CD63: variants seen among roughly 807,000 people sequenced by gnomAD.
The protein encoded by CD63 is CD63 molecule.
In CD63, 16 loss-of-function variants were observed where a neutral mutation model predicts 29.2. That is an observed-to-expected ratio of 0.55 (90% confidence interval 0.37 to 0.83). The LOEUF is 0.83. Ranked by LOEUF, CD63 falls within the 40% of genes least tolerant of loss-of-function variation. CD63 has a pLI of 0.00. For synonymous variants in CD63, 118 were observed against 111.7 expected, an observed-to-expected ratio of 1.06 and a Z score of -0.36; for missense variants, 251 against 297.3, an observed-to-expected ratio of 0.84 and a Z score of 1.15.
downstream of CD63, chr12:55,723,658 C>T (rs2136141639): frequency 1.8e-6 from 1 of 560,950 alleles, no homozygotes; most frequent in East Asian, 3.1e-5. Flanking sequence ...ACTCTCTGGC[C>T]CTTTAAGAAA....
chr12:55,725,884 TCTC>T lies in CD63; in HGVS notation c.577_579del (p.Glu193del), dbSNP rs763514247. 2 of 1,613,716 alleles carry T rather than the reference TCTC, an allele frequency of 1.2e-6. No homozygotes were observed. The highest frequency in any genetic ancestry group is 2.2e-5 in the East Asian group (1 of 44,878). ...TTTTTCCTCAGCCAGCCCCCAATCT[TCTC>T]CACACAGCCCTGAAGGTGGCAGGCA... On this transcript the variant is annotated inframe_deletion, in exon 7 of 8. Coordinates refer to ENST00000257857, the MANE Select transcript of CD63 (RefSeq NM_001780.6).
At chr12:55,723,797 G>A, downstream of CD63, 1 of 1,486,448 alleles carries the variant, frequency 6.7e-7, no homozygotes, top group Non-Finnish European at 9.3e-7. Flanking sequence ...CTGGTCTGTG[G>A]TAACTTTCTC....
chr12:55,727,056 C>G, intron 3 of CD63, 92 bp from the exon 4 acceptor site: 1 of 1,562,264 alleles, frequency 6.4e-7, no homozygotes, highest in Non-Finnish European at 8.8e-7. Context: ...TCACAAAGGT[C>G]TTCCTCACCC....
At position 55,728,663 on chromosome 12, in the gene CD63, T is replaced by C. The variant is rs1592534536; in HGVS notation, c.-12+290A>G. 3 of 1,217,724 alleles carry C rather than the reference T, an allele frequency of 2.5e-6. No individual in the cohort carries two copies. Among genetic ancestry groups the C allele is most frequent in the Admixed American group, 4.0e-5 (1 of 25,066 alleles). The allele number at this position is 1,217,724 out of a possible 1,614,324, so 75.4% of individuals were successfully genotyped here. A position where few individuals can be genotyped will look rare whatever the true frequency, so the allele number is the denominator to read the frequency against. On this transcript the variant is annotated intron_variant, in intron 1 of 7. Transcript: ENST00000257857. The surrounding 1 kb of genome is among the most constrained non-coding windows in gnomAD (Gnocchi z 4.8). ...CAGTCTCCGGGCGTCAAACACCCTT[T>C]CCCCACCCAACACCCAGCCTGGAGA...
At position 55,728,828 on chromosome 12, in the gene CD63, T is replaced by G; in HGVS notation, c.-12+125A>C. 2 of 989,382 alleles carry G rather than the reference T, an allele frequency of 2.0e-6. No homozygotes were observed. Among genetic ancestry groups the G allele is most frequent in the Non-Finnish European group, 2.4e-6 (2 of 833,184 alleles). The allele number at this position is 989,382 out of a possible 1,614,324, so 61.3% of individuals were successfully genotyped here. On this transcript the variant is annotated intron_variant, in intron 1 of 7. Transcript: ENST00000257857. This position sits in a 1 kb window ranked among gnomAD's most constrained non-coding sequence, Gnocchi z 4.8. ...GGGCCCAGGGAACTTCGAAGCAAAG[T>G]TGCTCCAGGGCGGCTGGAGAGCGCC...
chr12:55,726,019 A>G (rs1877286997), intron 6 of CD63, 102 bp downstream of exon 6: 14 of 1,488,992 alleles, frequency 9.4e-6, no homozygotes, highest in Non-Finnish European at 1.3e-5. Context: ...GCATTTCCAG[A>G]TCCCCTCCCC....
Position 55,726,171 on chromosome 12 carries a change from C to T in CD63, c.517G>A (p.Val173Ile), listed in dbSNP as rs1206678222. 3 of 1,613,984 alleles carry T rather than the reference C, an allele frequency of 1.9e-6. No individual in the cohort carries two copies. Among genetic ancestry groups the T allele is most frequent in the Non-Finnish European group, 2.5e-6 (3 of 1,179,992 alleles). The change falls in exon 6 of 8, where the codon GTT becomes ATT. Residue 173 changes from valine (V) to isoleucine (I), a missense_variant. Physicochemically the swap from Val to Ile is conservative, Grantham distance 29. Transcript: ENST00000257857. ...AAATTAATCCCACAGCCCACAGTAA[C>T]ATTAATGCAGCAGGAGTCGGGGACT... ...NRVPDSCCIN[V>I]TVGCGINFNE...
chr12:55,727,062 C>T, intron 3 of CD63, 89 bp downstream of exon 3: 1 of 1,554,774 alleles, frequency 6.4e-7, no homozygotes, highest in South Asian at 1.1e-5. Context: ...AGGTCTTCCT[C>T]ACCCACCCAC....
downstream of CD63, chr12:55,724,151 G>C: frequency 6.7e-7 from 1 of 1,490,744 alleles, no homozygotes; most frequent in Non-Finnish European, 9.1e-7. Flanking sequence ...ACCCAGGGCA[G>C]GGTTGAGGGT....
chr12:55,726,149 T>G lies in CD63; in HGVS notation c.539A>C (p.Asn180Thr). The change falls in exon 6 of 8, where the codon AAT becomes ACT. Residue 180 changes from asparagine (N) to threonine (T), a missense_variant. By Grantham distance (65) the Asn-to-Thr change is moderately conservative. Coordinates refer to ENST00000257857, the MANE Select transcript of CD63 (RefSeq NM_001780.6). ...CTTATGGATCGCCTTCTCGTTGAAA[T>G]TAATCCCACAGCCCACAGTAACATT... ...CINVTVGCGI[N>T]FNEKAIHKEG... 1 of 1,613,978 alleles carries G rather than the reference T, an allele frequency of 6.2e-7. No homozygotes were observed. Among genetic ancestry groups the G allele is most frequent in the Non-Finnish European group, 8.5e-7 (1 of 1,180,006 alleles).
downstream of CD63, chr12:55,723,773 CAA>C: frequency 7.8e-7 from 1 of 1,277,840 alleles, no homozygotes; most frequent in South Asian, 1.2e-5. Context: ...GCATCTCCGT[CAA>C]AACTCTTGTC....
In CD63 at chr12:55,728,857, C is replaced by T; in HGVS notation, c.-12+96G>A. ...TCCAGGGCGGCTGGAGAGCGCCGGA[C>T]GAGTCTCCGCGGGCCTGGGGCGAGC... On this transcript the variant is annotated intron_variant, in intron 1 of 7. Transcript: ENST00000257857. This position sits in a 1 kb window ranked among gnomAD's most constrained non-coding sequence, Gnocchi z 4.8. 1.0e-6 allele frequency: 1 copy of T among 990,002 alleles called. No individual in the cohort carries two copies. Among genetic ancestry groups the T allele is most frequent in the Non-Finnish European group, 1.2e-6 (1 of 832,586 alleles). The allele number at this position is 990,002 out of a possible 1,614,324, so 61.3% of individuals were successfully genotyped here.
downstream of CD63, chr12:55,723,709 C>A: frequency 1.5e-6 from 1 of 686,962 alleles, no homozygotes; most frequent in Admixed American, 2.4e-5. Context: ...GAAAACAAAC[C>A]TCAAAAATAC....
intron 6 of CD63, 103 bp downstream of exon 6, chr12:55,726,018 G>T (rs1877286460): frequency 2.0e-6 from 3 of 1,475,016 alleles, no homozygotes; most frequent in Non-Finnish European, 2.8e-6. Flanking sequence ...AGCATTTCCA[G>T]ATCCCCTCCC....
chr12:55,726,493 C>T (rs781642658), intron 5 of CD63: 10 of 621,584 alleles, frequency 1.6e-5, no homozygotes, highest in Non-Finnish European at 2.8e-5. Flanking sequence ...TACAGGCACT[C>T]ACCACCACAC....
Position 55,728,558 on chromosome 12 carries a change from C to T in CD63, c.-11-206G>A. 1 of 1,424,754 alleles carries T rather than the reference C, an allele frequency of 7.0e-7. No individual in the cohort carries two copies. Among genetic ancestry groups the T allele is most frequent in the Non-Finnish European group, 9.1e-7 (1 of 1,094,064 alleles). The allele number at this position is 1,424,754 out of a possible 1,614,324, so 88.3% of individuals were successfully genotyped here. On this transcript the variant is annotated intron_variant, in intron 1 of 7. Coordinates refer to ENST00000257857, the MANE Select transcript of CD63 (RefSeq NM_001780.6). The surrounding 1 kb of genome is among the most constrained non-coding windows in gnomAD (Gnocchi z 4.8). ...GGGCGACGGCCGCGAAGCCCGGACC[C>T]CGCCCCGCCGCCTCTGGGGCCCAGG...
intron 2 of CD63, 42 bp from the exon 3 acceptor site, chr12:55,727,381 C>T: frequency 6.4e-7 from 1 of 1,557,570 alleles, no homozygotes; most frequent in Non-Finnish European, 8.8e-7. Flanking sequence ...ATCCACAACA[C>T]AGTGGCCCTC....
rs1877226265 is a variant in CD63, at chr12:55,725,640, T to C, written c.652-14A>G. On this transcript the variant is annotated splice_polypyrimidine_tract_variant and intron_variant, in intron 7 of 7. Transcript: ENST00000257857. ...AATTCCCAAAACCTAGAAGGAAAGATGGGGACAGGGGTGGAGAGGAGTCAG... is the reference window on the plus strand; with the variant it reads ...AATTCCCAAAACCTAGAAGGAAAGACGGGGACAGGGGTGGAGAGGAGTCAG... 6.2e-7 allele frequency: 1 copy of C among 1,613,378 alleles called. No homozygotes were observed. The highest frequency in any genetic ancestry group is 8.5e-7 in the Non-Finnish European group (1 of 1,179,422).
intron 5 of CD63, 69 bp from the exon 6 acceptor site, chr12:55,726,330 A>C (rs576100704): frequency 8.3e-5 from 54 of 654,478 alleles, no homozygotes; most frequent in South Asian, 7.8e-4. Flanking sequence ...TGGAGATGAG[A>C]ATTCTTTTTT....
Sources: allele counts gnomAD v4.1 joint callset, GRCh38; gene constraint gnomAD v4.1.1; non-coding constraint Gnocchi (gnomAD v3.1); transcripts MANE v1.5; gene names NCBI Gene and HGNC (gene_info 2026-07-23, HGNC 2026-07-21).